The following MAN1A1 variants were observed in gnomAD, a reference collection of about 807,000 sequenced individuals.
The protein encoded by MAN1A1 is mannosidase alpha class 1A member 1.
Under a neutral mutation model 70.8 loss-of-function variants are expected in MAN1A1, and 29 were observed. The observed-to-expected ratio is 0.41, with a 90% confidence interval of 0.31 to 0.56. The LOEUF (loss-of-function observed/expected upper bound fraction) is 0.56. MAN1A1 is among the 20% of genes least tolerant of loss of function. MAN1A1 has a pLI of 0.29. For missense variants in MAN1A1, 747 were observed against 841.3 expected (o/e 0.89, Z 1.39); for synonymous variants, 349 against 330.1 (o/e 1.06, Z -0.62).
chr6:119,339,228 T>C (rs1773541142), intron 2 of MAN1A1, among the ~76,000 whole-genome samples: 1 of 152,216 alleles, frequency 6.6e-6, no homozygotes, highest in East Asian at 1.9e-4. Flanking sequence ...CCTCAAAATG[T>C]ACTATCTGTT....
intron 11 of MAN1A1, among the ~76,000 whole-genome samples, chr6:119,186,188 T>C (rs1267235638): frequency 6.6e-6 from 1 of 152,158 alleles, no homozygotes; most frequent in Admixed American, 6.6e-5. Context: ...AGTTACTTTA[T>C]TAGGTGATAC....
chr6:119,186,955 C>T (rs1270097048), intron 11 of MAN1A1, among the ~76,000 whole-genome samples: 2 of 152,202 alleles, frequency 1.3e-5, no homozygotes, highest in Non-Finnish European at 2.9e-5. Context: ...GAAACGATTT[C>T]AGGTCATATA....
chr6:119,252,622 T>C (rs910447328), intron 5 of MAN1A1, among the ~76,000 whole-genome samples: 3 of 152,030 alleles, frequency 2.0e-5, no homozygotes, highest in African/African-American at 4.8e-5. Context: ...TGAAACCCCG[T>C]CTCTACTAAA....
chr6:119,345,154 G>A (rs1773693050), intron 2 of MAN1A1, among the ~76,000 whole-genome samples: 1 of 147,288 alleles, frequency 6.8e-6, no homozygotes, highest in Non-Finnish European at 1.5e-5. Context: ...TAATCCTAAA[G>A]GACAGCACAG....
intron 2 of MAN1A1, among the ~76,000 whole-genome samples, chr6:119,309,017 T>C (rs1582791552): frequency 6.6e-6 from 1 of 152,224 alleles, no homozygotes; most frequent in African/African-American, 2.4e-5. Context: ...GTTAGTTTCC[T>C]ACATTTCAAA....
intron 6 of MAN1A1, among the ~76,000 whole-genome samples, chr6:119,239,610 T>C (rs1416341894): frequency 6.6e-6 from 1 of 152,228 alleles, no homozygotes; most frequent in Non-Finnish European, 1.5e-5. Flanking sequence ...ATAAAGTGCC[T>C]TGATACCTGC....
chr6:119,272,898 G>A (rs990284586), intron 5 of MAN1A1, among the ~76,000 whole-genome samples: 5 of 152,092 alleles, frequency 3.3e-5, no homozygotes, highest in African/African-American at 1.2e-4. Context: ...CCATTTCCAT[G>A]TGAACTGAGG....
At chr6:119,219,763 A>G (rs1774307133) in intron 6 of MAN1A1, among the ~76,000 whole-genome samples, 1 of 152,174 alleles carries the variant, frequency 6.6e-6, no homozygotes, top group Non-Finnish European at 1.5e-5. Context: ...TCTTAAAGCA[A>G]TGTAATTGCT....
At chr6:119,253,123 C>A (rs1208330600) in intron 5 of MAN1A1, among the ~76,000 whole-genome samples, 2 of 152,044 alleles carry the variant, frequency 1.3e-5, no homozygotes, top group Non-Finnish European at 1.5e-5. Context: ...TGATGTGCGA[C>A]AAAAAGTGGA....
chr6:119,194,791 TA>T (rs1773524758), intron 8 of MAN1A1, among the ~76,000 whole-genome samples: 1 of 67,850 alleles, frequency 1.5e-5, no homozygotes, highest in Admixed American at 1.2e-4. Flanking sequence ...CCACTACACG[TA>T]TTATCAACAA....
At chr6:119,251,619 A>C (rs774592212) in intron 5 of MAN1A1, among the ~76,000 whole-genome samples, 8 of 152,204 alleles carry the variant, frequency 5.3e-5, no homozygotes, top group Non-Finnish European at 1.2e-4. Context: ...CAAGATACAG[A>C]AGGCAAGAGA....
At position 119,240,457 on chromosome 6, in the gene MAN1A1, A is replaced by C. The variant is rs1774972644; in HGVS notation, c.992+7803T>G. On this transcript the variant is annotated intron_variant, in intron 6 of 12. Coordinates refer to ENST00000368468, the MANE Select transcript of MAN1A1 (RefSeq NM_005907.4). The stretch of plus-strand genomic sequence containing the variant: ...AGGAGCCTGAGCAGATGGAAATTCA[A>C]GGAAAAGGCGGGAGGGTGGGGTGCA... 2.0e-5 allele frequency among the ~76,000 whole-genome samples: 3 copies of C among 152,198 alleles called. No homozygotes were observed. The South Asian group carries it at 6.2e-4, about 32-fold the overall frequency.
chr6:119,212,875 A>G (rs1156687486), intron 6 of MAN1A1, among the ~76,000 whole-genome samples: 2 of 152,222 alleles, frequency 1.3e-5, no homozygotes, highest in African/African-American at 4.8e-5. Context: ...TTGATGCCTA[A>G]TACATTCTTT....
chr6:119,202,585 T>C (rs1773743704), intron 7 of MAN1A1, among the ~76,000 whole-genome samples: 1 of 152,220 alleles, frequency 6.6e-6, no homozygotes, highest in Non-Finnish European at 1.5e-5. Context: ...ATATGTGCTA[T>C]ACTTTTATGT....
chr6:119,309,440 T>C (rs2114454972), intron 2 of MAN1A1, among the ~76,000 whole-genome samples: 1 of 152,338 alleles, frequency 6.6e-6, no homozygotes, highest in South Asian at 2.1e-4. Flanking sequence ...TCATTTAATT[T>C]CTCTAGACCC....
At chr6:119,251,063 C>T (rs1775304713) in intron 5 of MAN1A1, among the ~76,000 whole-genome samples, 1 of 152,142 alleles carries the variant, frequency 6.6e-6, no homozygotes, top group South Asian at 2.1e-4. Context: ...AGTTCATTCT[C>T]TGATAGGAGC....
chr6:119,282,365 T>C (rs1270873163), intron 5 of MAN1A1, among the ~76,000 whole-genome samples: 4 of 152,238 alleles, frequency 2.6e-5, no homozygotes, highest in African/African-American at 7.2e-5. Flanking sequence ...AAGGGGTAGG[T>C]ATGATTTCTG....
At position 119,215,436 on chromosome 6, in the gene MAN1A1, A is replaced by G. The variant is rs558868802; in HGVS notation, c.993-10554T>C. On this transcript the variant is annotated intron_variant, in intron 6 of 12. Transcript: ENST00000368468. ...GAATCATTAGGGTTAGAGACTGGTA[A>G]TGTGATAAGAAGAGTCTCTACGAGA... Among the ~76,000 whole-genome samples the G allele has an allele frequency of 1.1e-4, 16 of 152,306 alleles. No homozygotes were observed. The South Asian group carries it at 3.1e-3, about 30-fold the overall frequency.
At chr6:119,289,854 G>A (rs1176068049) in intron 5 of MAN1A1, among the ~76,000 whole-genome samples, 1 of 151,860 alleles carries the variant, frequency 6.6e-6, no homozygotes. Context: ...ACTGGTTTGG[G>A]TAAGATCTAC....
Sources: allele counts gnomAD v4.1 joint callset (sites outside exome capture counted in the v4.1 genomes callset), GRCh38; gene constraint gnomAD v4.1.1; transcripts MANE v1.5; gene names NCBI Gene and HGNC (gene_info 2026-07-23, HGNC 2026-07-21).